The following KCNH5 variants were observed in gnomAD, a reference collection of about 807,000 sequenced individuals.
KCNH5 encodes the protein voltage-gated delayed rectifier potassium channel KCNH5.
A neutral mutation model predicts 96.1 loss-of-function variants in KCNH5; 46 were observed. The observed-to-expected ratio is 0.48, with a 90% CI of 0.38 to 0.61. The LOEUF (loss-of-function observed/expected upper bound fraction) is 0.61, where lower values mean the gene tolerates loss of function less well. Ranked by LOEUF, KCNH5 falls within the 20% of genes least tolerant of loss-of-function variation. KCNH5 has a pLI of 0.00. For missense variants in KCNH5, 907 were observed against 1,225.8 expected (o/e 0.74, Z 3.88); for synonymous variants, 439 against 449.8 (o/e 0.98, Z 0.30).
intron 10 of KCNH5, among the ~76,000 whole-genome samples, chr14:62,737,662 T>C (rs1226278389): frequency 6.6e-6 from 1 of 152,130 alleles, no homozygotes; most frequent in Non-Finnish European, 1.5e-5. Flanking sequence ...TATTAAGAGG[T>C]AAGTAATAAA....
At chr14:62,959,425 G>C (rs1890165118) in intron 6 of KCNH5, among the ~76,000 whole-genome samples, 1 of 152,050 alleles carries the variant, frequency 6.6e-6, no homozygotes. Context: ...CTCAAAATCA[G>C]CAAATATCCA....
chr14:62,754,410 T>C (rs1465299287), intron 10 of KCNH5, among the ~76,000 whole-genome samples: 5 of 151,278 alleles, frequency 3.3e-5, no homozygotes, highest in Non-Finnish European at 7.4e-5. Context: ...CAACATTAAA[T>C]GTACATGGAA....
At chr14:62,886,816 C>A (rs1197953393) in intron 7 of KCNH5, among the ~76,000 whole-genome samples, 1 of 151,896 alleles carries the variant, frequency 6.6e-6, no homozygotes, top group Non-Finnish European at 1.5e-5. Flanking sequence ...ATTACTGTAT[C>A]TTGATTTAAA....
At chr14:62,924,732 G>A (rs1227597363) in intron 7 of KCNH5, among the ~76,000 whole-genome samples, 1 of 151,946 alleles carries the variant, frequency 6.6e-6, no homozygotes. Context: ...GACAATGCAT[G>A]ATCTCACTTA....
chr14:62,994,624 C>T (rs1052809753), intron 4 of KCNH5, among the ~76,000 whole-genome samples: 21 of 151,826 alleles, frequency 1.4e-4, no homozygotes, highest in African/African-American at 3.1e-4. Flanking sequence ...TAATTCTCTC[C>T]AAATGAAAGT....
chr14:62,769,232 A>C (rs939723564), intron 10 of KCNH5, among the ~76,000 whole-genome samples: 2 of 152,262 alleles, frequency 1.3e-5, no homozygotes, highest in Non-Finnish European at 2.9e-5. Context: ...TAAACTGTGA[A>C]GTGATGAGTA....
chr14:62,981,721 G>A (rs1455156896), intron 5 of KCNH5, among the ~76,000 whole-genome samples: 2 of 152,182 alleles, frequency 1.3e-5, no homozygotes, highest in Non-Finnish European at 2.9e-5. Context: ...CTGTTGTTGA[G>A]TGATACTCAG....
At chr14:62,733,814 C>T (rs1885100784) in intron 10 of KCNH5, among the ~76,000 whole-genome samples, 1 of 152,148 alleles carries the variant, frequency 6.6e-6, no homozygotes, top group Admixed American at 6.6e-5. Context: ...CCTTTATTGG[C>T]ATTCATGGGC....
chr14:62,889,354 C>T (rs1595671713), intron 7 of KCNH5, among the ~76,000 whole-genome samples: 1 of 152,256 alleles, frequency 6.6e-6, no homozygotes, highest in East Asian at 1.9e-4. Context: ...GCTTACATCC[C>T]AGCAGAGCAT....
intron 6 of KCNH5, among the ~76,000 whole-genome samples, chr14:62,952,003 C>T (rs1259058941): frequency 6.7e-6 from 1 of 149,240 alleles, no homozygotes; most frequent in Non-Finnish European, 1.5e-5. Context: ...AAGAATGCAT[C>T]TGGTTTGTTA....
chr14:62,872,101 A>C (rs1403143890), intron 7 of KCNH5, among the ~76,000 whole-genome samples: 1 of 152,224 alleles, frequency 6.6e-6, no homozygotes, highest in Non-Finnish European at 1.5e-5. Flanking sequence ...AAGAAAAAAA[A>C]TCCTCTTTGA....
chr14:62,750,056 T>C, intron 10 of KCNH5, among the ~76,000 whole-genome samples: 1 of 152,156 alleles, frequency 6.6e-6, no homozygotes, highest in South Asian at 2.1e-4. Context: ...TGAACACTAA[T>C]AAATATGTAA....
intron 10 of KCNH5, among the ~76,000 whole-genome samples, chr14:62,729,040 A>C (rs1430393702): frequency 6.6e-6 from 1 of 152,184 alleles, no homozygotes; most frequent in African/African-American, 2.4e-5. Flanking sequence ...AATTTTTCCC[A>C]AAAAACAGTG....
At position 62,706,758 on chromosome 14, in the gene KCNH5, TTATGATGTTGA is replaced by T. The variant is rs1167170951; in HGVS notation, c.*739_*749del. 1.3e-5 allele frequency: 2 copies of T among 152,130 alleles called. No homozygotes were observed. The highest frequency in any genetic ancestry group is 4.8e-5 in the African/African-American group (2 of 41,442). 9.4% of individuals were successfully genotyped at this position (152,130 alleles called of 1,614,324 possible). On this transcript the variant is annotated 3_prime_UTR_variant, in exon 11 of 11. Transcript: ENST00000322893. Reference sequence around the variant, plus strand: ...ATACTCTATATTAATAGTTTAGTATTTATGATGTTGATAATGTCAGCTTACAAGATGGCAGC... The same window carrying T: ...ATACTCTATATTAATAGTTTAGTATTTAATGTCAGCTTACAAGATGGCAGC...
At chr14:62,903,839 T>C (rs1264446086) in intron 7 of KCNH5, among the ~76,000 whole-genome samples, 2 of 152,120 alleles carry the variant, frequency 1.3e-5, no homozygotes, top group Non-Finnish European at 2.9e-5. Flanking sequence ...GTATGATTAC[T>C]GATGCTATTA....
chr14:62,945,181 A>G (rs1889863200), intron 7 of KCNH5, among the ~76,000 whole-genome samples: 1 of 152,180 alleles, frequency 6.6e-6, no homozygotes, highest in Non-Finnish European at 1.5e-5. Flanking sequence ...CAGAAGGTAG[A>G]TGGTAAGAAG....
intron 1 of KCNH5, among the ~76,000 whole-genome samples, chr14:63,038,460 T>C (rs1363100043): frequency 6.6e-6 from 1 of 152,176 alleles, no homozygotes; most frequent in African/African-American, 2.4e-5. Flanking sequence ...CATATGACTT[T>C]GTACTTAATA....
At chr14:62,994,761 T>C (rs1890876430) in intron 4 of KCNH5, among the ~76,000 whole-genome samples, 1 of 151,900 alleles carries the variant, frequency 6.6e-6, no homozygotes, top group East Asian at 1.9e-4. Flanking sequence ...GAACATGGGA[T>C]TTGAAATCAG....
chr14:62,862,300 A>C (rs977957724), intron 7 of KCNH5, among the ~76,000 whole-genome samples: 1 of 152,194 alleles, frequency 6.6e-6, no homozygotes, highest in Non-Finnish European at 1.5e-5. Flanking sequence ...AATAACCTAA[A>C]TAGTTTGGGG....
Sources: allele counts gnomAD v4.1 joint callset (sites outside exome capture counted in the v4.1 genomes callset), GRCh38; gene constraint gnomAD v4.1.1; transcripts MANE v1.5; gene names NCBI Gene and HGNC (gene_info 2026-07-23, HGNC 2026-07-21).